CAST: variants seen among roughly 807,000 people sequenced by gnomAD.
CAST encodes calpastatin, also known as MIR583 host.
CAST carries 76 observed loss-of-function variants against 119.6 expected under a neutral mutation model. The observed-to-expected ratio is 0.64, with a 90% confidence interval of 0.53 to 0.77. The LOEUF (loss-of-function observed/expected upper bound fraction) is 0.77. CAST is among the 30% of genes least tolerant of loss of function. The pLI, the probability that CAST is intolerant of heterozygous loss-of-function variation, is 0.00. For missense variants in CAST, 953 were observed against 946.5 expected, an observed-to-expected ratio of 1.01 and a Z score of -0.09; for synonymous variants, 319 against 331.6, an observed-to-expected ratio of 0.96 and a Z score of 0.41.
At chr5:96,118,415 A>ATACT in the CAST span, among the ~76,000 whole-genome samples, 1 of 152,196 alleles carries the variant, frequency 6.6e-6, no homozygotes, top group African/African-American at 2.4e-5. Context: ...GATTCTACAG[A>ATACT]TACTTAGCCA....
At chr5:96,172,890 T>A in the CAST span, among the ~76,000 whole-genome samples, 1 of 152,214 alleles carries the variant, frequency 6.6e-6, no homozygotes, top group Admixed American at 6.5e-5. Context: ...ACAGATACCA[T>A]AACTTCCACT....
the CAST span, among the ~76,000 whole-genome samples, chr5:96,447,918 A>G: frequency 3.3e-5 from 5 of 152,102 alleles, no homozygotes; most frequent in Admixed American, 6.5e-5. Flanking sequence ...AACAAGAAGT[A>G]AAAACCTGCC....
chr5:96,302,322 A>G, the CAST span, among the ~76,000 whole-genome samples: 43 of 152,254 alleles, frequency 2.8e-4, no homozygotes, highest in Admixed American at 1.8e-3. Context: ...CAGGTCTATA[A>G]TAGGAGGGGC....
the CAST span, among the ~76,000 whole-genome samples, chr5:96,146,136 G>A: frequency 2.6e-3 from 391 of 152,280 alleles, 1 homozygote; most frequent in Non-Finnish European, 3.8e-3. Flanking sequence ...GCATGACAAA[G>A]AATTTGCAGT....
chr5:96,658,035 G>A (rs949553287), upstream of CAST, among the ~76,000 whole-genome samples: 3 of 152,072 alleles, frequency 2.0e-5, no homozygotes, highest in Non-Finnish European at 4.4e-5. Context: ...GGAGGTGGAG[G>A]TTGCGGTGAG....
At chr5:96,495,189 A>G in the CAST span, among the ~76,000 whole-genome samples, 1 of 151,784 alleles carries the variant, frequency 6.6e-6, no homozygotes, top group Non-Finnish European at 1.5e-5. Context: ...TCATGCAGAA[A>G]ATATTTAGCA....
chr5:96,627,041 C>T (rs933819162), intron 1 of CAST, among the ~76,000 whole-genome samples: 1 of 152,078 alleles, frequency 6.6e-6, no homozygotes, highest in African/African-American at 2.4e-5. Flanking sequence ...CACAGGGAAA[C>T]AAAGAATATG....
the CAST span, among the ~76,000 whole-genome samples, chr5:96,506,609 G>A: frequency 6.6e-6 from 1 of 152,132 alleles, no homozygotes; most frequent in South Asian, 2.1e-4. Context: ...AAGGGAAAGA[G>A]CTAATGTGGG....
intron 1 of CAST, among the ~76,000 whole-genome samples, chr5:96,597,832 G>T (rs529470009): frequency 6.6e-6 from 1 of 152,164 alleles, no homozygotes; most frequent in Non-Finnish European, 1.5e-5. Flanking sequence ...TGTGTAAAGT[G>T]GGGGTCAGGG....
At chr5:96,683,673 T>C (rs1318753879) in intron 2 of CAST, among the ~76,000 whole-genome samples, 1 of 152,226 alleles carries the variant, frequency 6.6e-6, no homozygotes, top group Non-Finnish European at 1.5e-5. Context: ...TCTATAAGTC[T>C]TCATAATGTT....
At chr5:96,469,889 T>TATATTATATATATATATAC in the CAST span, among the ~76,000 whole-genome samples, 1 of 145,172 alleles carries the variant, frequency 6.9e-6, no homozygotes. Context: ...AATATATATA[T>TATATTATATATATATATAC]ACACACACAT....
chr5:96,711,001 T>C (rs1756021235), intron 3 of CAST, among the ~76,000 whole-genome samples: 1 of 152,206 alleles, frequency 6.6e-6, no homozygotes, highest in African/African-American at 2.4e-5. Context: ...GTGTGCTGAA[T>C]TATTCTCACA....
At chr5:96,058,010 G>T in the CAST span, among the ~76,000 whole-genome samples, 3 of 152,232 alleles carry the variant, frequency 2.0e-5, no homozygotes, top group Non-Finnish European at 1.5e-5. Context: ...TCGAGCAAAA[G>T]ATGCATTGAT....
chr5:96,342,229 T>C, the CAST span, among the ~76,000 whole-genome samples: 2 of 152,324 alleles, frequency 1.3e-5, no homozygotes, highest in African/African-American at 4.8e-5. Flanking sequence ...AGTTTAAATA[T>C]GACTTCATAG....
intron 1 of CAST, among the ~76,000 whole-genome samples, chr5:96,665,725 A>AAC (rs143855509): frequency 0.049 from 7,427 of 150,714 alleles, 217 homozygotes; most frequent in African/African-American, 0.086. Flanking sequence ...GCCAGTTTAT[A>AAC]ACACACACAC....
At chr5:96,329,686 C>T in the CAST span, among the ~76,000 whole-genome samples, 45 of 152,320 alleles carry the variant, frequency 3.0e-4, no homozygotes, top group Non-Finnish European at 5.7e-4. Context: ...AAGCTGTAAT[C>T]GTTACTGTCA....
the CAST span, among the ~76,000 whole-genome samples, chr5:96,127,827 A>G: frequency 6.6e-6 from 1 of 152,224 alleles, no homozygotes; most frequent in South Asian, 2.1e-4. Context: ...CTTAAAGTCG[A>G]TTTGTGATAA....
chr5:95,979,095 C>CT, the CAST span, among the ~76,000 whole-genome samples: 1 of 152,272 alleles, frequency 6.6e-6, no homozygotes. Flanking sequence ...CATTAGGGCT[C>CT]TATCATGTAA....
chr5:96,509,750 C>T, the CAST span, among the ~76,000 whole-genome samples: 1 of 152,208 alleles, frequency 6.6e-6, no homozygotes, highest in East Asian at 1.9e-4. Flanking sequence ...ACGGAATTTA[C>T]ACAAATCAAG....
Sources: gnomAD v4.1 joint callset for allele counts (sites outside exome capture counted in the v4.1 genomes callset) on GRCh38, gnomAD v4.1.1 for gene constraint, MANE v1.5 for transcripts, NCBI Gene and HGNC (gene_info 2026-07-23, HGNC 2026-07-21) for gene names.